ZC3H12B: variants seen among roughly 807,000 people sequenced by gnomAD.
ZC3H12B encodes probable ribonuclease ZC3H12B.
Under a neutral mutation model 43.9 loss-of-function variants are expected in ZC3H12B, and 7 were observed. The ratio of observed to expected loss-of-function variants is 0.16; its 90% CI spans 0.09 to 0.30. The LOEUF (loss-of-function observed/expected upper bound fraction) is 0.30, where lower values mean the gene tolerates loss of function less well. Among genes scored for constraint, ZC3H12B ranks in the 10% least tolerant of loss-of-function variants. The pLI is 1.00. For missense variants in ZC3H12B, 475 were observed against 670.2 expected (o/e 0.71, Z 3.22); for synonymous variants, 222 against 241.7 (o/e 0.92, Z 0.76).
chrX:65,363,195 C>A (rs1458933119), upstream of ZC3H12B, among the ~76,000 whole-genome samples: 2 of 111,079 alleles, frequency 1.8e-5, no homozygotes, highest in Non-Finnish European at 3.8e-5. Flanking sequence ...TACTTTGTAG[C>A]CCCTCCTTTG....
chrX:65,067,711 CTTTT>C, the ZC3H12B span, among the ~76,000 whole-genome samples: 1 of 107,560 alleles, frequency 9.3e-6, no homozygotes. Context: ...TTTCATTGAT[CTTTT>C]TTTTTTATTT....
At chrX:65,297,997 C>A in the ZC3H12B span, among the ~76,000 whole-genome samples, 1 of 111,655 alleles carries the variant, frequency 9.0e-6, no homozygotes, top group African/African-American at 3.3e-5. Flanking sequence ...AAAATCAACC[C>A]GAGATGGATC....
At chrX:65,353,592 C>T in the ZC3H12B span, among the ~76,000 whole-genome samples, 1 of 111,808 alleles carries the variant, frequency 8.9e-6, no homozygotes, top group Middle Eastern at 4.7e-3. Context: ...CCCAGTGACG[C>T]CTGGAATGCC....
At chrX:65,249,689 A>G in the ZC3H12B span, among the ~76,000 whole-genome samples, 1 of 111,113 alleles carries the variant, frequency 9.0e-6, no homozygotes, top group Non-Finnish European at 1.9e-5. Context: ...ATCCACGAGC[A>G]TGGGATATGT....
the ZC3H12B span, among the ~76,000 whole-genome samples, chrX:65,183,036 C>G: frequency 8.9e-6 from 1 of 111,746 alleles, no homozygotes; most frequent in Non-Finnish European, 1.9e-5. Flanking sequence ...GAACTTAAAA[C>G]AGAATTGCCA....
At chrX:65,305,286 C>G in the ZC3H12B span, among the ~76,000 whole-genome samples, 12 of 111,194 alleles carry the variant, frequency 1.1e-4, no homozygotes, top group Admixed American at 1.1e-3. Flanking sequence ...GGCTTGAACT[C>G]CAGGTCTGTC....
At chrX:65,077,233 C>T in the ZC3H12B span, among the ~76,000 whole-genome samples, 19 of 111,665 alleles carry the variant, frequency 1.7e-4, no homozygotes, top group Middle Eastern at 4.2e-3. Context: ...GCTGGGCTAC[C>T]GGGTGTCATT....
chrX:65,286,754 A>G, the ZC3H12B span, among the ~76,000 whole-genome samples: 1 of 110,292 alleles, frequency 9.1e-6, no homozygotes, highest in East Asian at 2.9e-4. Context: ...ATTTATTTTA[A>G]GACATGATTC....
At chrX:65,240,741 A>G in the ZC3H12B span, among the ~76,000 whole-genome samples, 1 of 112,111 alleles carries the variant, frequency 8.9e-6, no homozygotes, top group Non-Finnish European at 1.9e-5. Flanking sequence ...TGACCTATGA[A>G]TGGGATATTT....
At chrX:65,223,794 G>A in the ZC3H12B span, among the ~76,000 whole-genome samples, 3 of 111,762 alleles carry the variant, frequency 2.7e-5, no homozygotes, top group Non-Finnish European at 3.8e-5. Flanking sequence ...TTCAAGATCG[G>A]CCATAATCAC....
intron 3 of ZC3H12B, among the ~76,000 whole-genome samples, chrX:65,414,170 G>A (rs1343114665): frequency 9.0e-6 from 1 of 111,632 alleles, no homozygotes; most frequent in African/African-American, 3.2e-5. Flanking sequence ...GAATATTGTT[G>A]TGTACTTTTC....
At chrX:65,095,728 T>C in the ZC3H12B span, among the ~76,000 whole-genome samples, 1 of 111,785 alleles carries the variant, frequency 8.9e-6, no homozygotes, top group African/African-American at 3.3e-5. Flanking sequence ...TATTGGGGTT[T>C]TATGAGTTTA....
chrX:65,392,655 C>T (rs1188738264), intron 2 of ZC3H12B, among the ~76,000 whole-genome samples: 1 of 110,586 alleles, frequency 9.0e-6, no homozygotes, highest in African/African-American at 3.3e-5. Context: ...CCCGGCCTCC[C>T]CATCTGGGGG....
At chrX:65,219,889 A>G in the ZC3H12B span, among the ~76,000 whole-genome samples, 1 of 109,890 alleles carries the variant, frequency 9.1e-6, no homozygotes, top group African/African-American at 3.3e-5. Context: ...AGATCATCAC[A>G]TAGGCACATA....
chrX:65,167,348 T>G, the ZC3H12B span, among the ~76,000 whole-genome samples: 1 of 111,304 alleles, frequency 9.0e-6, no homozygotes, highest in Non-Finnish European at 1.9e-5. Flanking sequence ...AGATCAGATG[T>G]TTGTAGATGT....
chrX:65,492,541 T>C (rs780040201), intron 1 of ZC3H12B, among the ~76,000 whole-genome samples: 2 of 112,172 alleles, frequency 1.8e-5, no homozygotes, highest in African/African-American at 6.5e-5. Flanking sequence ...GTAATTTTTT[T>C]TAAATTGCCA....
chrX:65,187,952 C>G, the ZC3H12B span, among the ~76,000 whole-genome samples: 5 of 110,789 alleles, frequency 4.5e-5, no homozygotes, highest in Admixed American at 9.7e-5. Flanking sequence ...CCTTACCCTC[C>G]AACCACTATC....
rs2067480866 is a variant in ZC3H12B at position 65,450,725 on chromosome X, GTGTATATATGTATATATA to G, written n.408-37919_408-37902del. ...TGTATATATGTATATGTATACATAT[GTGTATATATGTATATATA>G]TATACATATGTGTATATATGTATAT... On this transcript the variant is annotated intron_variant and non_coding_transcript_variant, in intron 3 of 5. Coordinates refer to the ZC3H12B transcript ENST00000617377. Among the ~76,000 whole-genome samples the G allele has an allele frequency of 2.2e-4, 6 of 27,382 alleles. 1 individual carries two copies. Among genetic ancestry groups the G allele is most frequent in the East Asian group, 2.2e-3 (2 of 915 alleles). The allele number at this position is 27,382 out of a possible 115,157, so 23.8% of individuals were successfully genotyped here.
chrX:65,431,487 C>A (rs1336237717), intron 3 of ZC3H12B, among the ~76,000 whole-genome samples: 4 of 112,552 alleles, frequency 3.6e-5, no homozygotes, highest in African/African-American at 1.3e-4. Flanking sequence ...GATGCATAAT[C>A]TTCATCCTTT....
Sources: allele counts gnomAD v4.1 joint callset (sites outside exome capture counted in the v4.1 genomes callset), GRCh38; gene constraint gnomAD v4.1.1; transcripts MANE v1.5; gene names NCBI Gene and HGNC (gene_info 2026-07-23, HGNC 2026-07-21).